CCM2: variants seen among roughly 807,000 people sequenced by gnomAD.
The protein encoded by CCM2 is cerebral cavernous malformations 2 protein.
Under a neutral mutation model 44.9 loss-of-function variants are expected in CCM2, and 25 were observed. The ratio of observed to expected loss-of-function variants is 0.56; its 90% confidence interval spans 0.41 to 0.78. The LOEUF (loss-of-function observed/expected upper bound fraction) is 0.78, where lower values mean the gene tolerates loss of function less well. CCM2 is among the 30% of genes least tolerant of loss of function. CCM2 has a pLI of 0.00. For missense variants in CCM2, 481 were observed against 580.6 expected (o/e 0.83, Z 1.76); for synonymous variants, 219 against 241.1 (o/e 0.91, Z 0.85).
chr7:45,061,566 C>G (rs1230926192), intron 2 of CCM2, among the ~76,000 whole-genome samples: 1 of 150,992 alleles, frequency 6.6e-6, no homozygotes, highest in African/African-American at 2.4e-5. Context: ...CTCCTGGGCT[C>G]AAATGATCCT....
At chr7:45,058,774 A>G (rs1798385928) in intron 2 of CCM2, among the ~76,000 whole-genome samples, 2 of 151,982 alleles carry the variant, frequency 1.3e-5, no homozygotes, top group Non-Finnish European at 2.9e-5. Flanking sequence ...GTGATGGATT[A>G]CAACGATATA....
At chr7:45,012,130 C>CTTT (rs60568953) in intron 1 of CCM2, among the ~76,000 whole-genome samples, 2 of 94,088 alleles carry the variant, frequency 2.1e-5, no homozygotes, top group African/African-American at 3.8e-5. Context: ...ATCATAATAT[C>CTTT]TTTTTTTTTT....
At chr7:45,073,267 G>A in intron 7 of CCM2, 193 bp from the exon 8 acceptor site, 1 of 627,458 alleles carries the variant, frequency 1.6e-6, no homozygotes, top group Non-Finnish European at 2.9e-6. Flanking sequence ...ATGCCCCCGG[G>A]GAGCCCCAGG....
intron 1 of CCM2, among the ~76,000 whole-genome samples, chr7:45,028,381 G>A (rs1190750541): frequency 6.6e-6 from 1 of 152,152 alleles, no homozygotes; most frequent in African/African-American, 2.4e-5. Flanking sequence ...CTGTCAGCCG[G>A]GTACAGTGGC....
intron 1 of CCM2, among the ~76,000 whole-genome samples, chr7:45,001,692 A>G (rs1795639137): frequency 1.3e-5 from 2 of 151,480 alleles, no homozygotes; most frequent in South Asian, 4.2e-4. Flanking sequence ...GCAAGGATGG[A>G]ATTGAGTGAT....
intron 1 of CCM2, among the ~76,000 whole-genome samples, chr7:45,024,995 C>T (rs1264074656): frequency 1.3e-5 from 2 of 152,160 alleles, no homozygotes; most frequent in African/African-American, 4.8e-5. Flanking sequence ...AACTGTTAGA[C>T]TCGATGGACC....
At chr7:45,001,805 G>GA (rs971914523) in intron 1 of CCM2, among the ~76,000 whole-genome samples, 38 of 152,136 alleles carry the variant, frequency 2.5e-4, no homozygotes, top group African/African-American at 8.2e-4. Flanking sequence ...GGGTACAAGT[G>GA]AAAAAACAGT....
intron 2 of CCM2, among the ~76,000 whole-genome samples, chr7:45,047,779 A>G (rs1361153966): frequency 6.6e-6 from 1 of 152,182 alleles, no homozygotes; most frequent in Non-Finnish European, 1.5e-5. Flanking sequence ...CTGTGTTTAC[A>G]TCCATGTCCT....
At chr7:45,001,432 T>A (rs1227818438) in intron 1 of CCM2, among the ~76,000 whole-genome samples, 1 of 152,242 alleles carries the variant, frequency 6.6e-6, no homozygotes, top group Non-Finnish European at 1.5e-5. Flanking sequence ...GGTGTTAGAT[T>A]AGAGATGCGT....
In CCM2 at chr7:45,007,831, G is replaced by A. The variant is rs1325434231; in HGVS notation, c.30+7468G>A. On this transcript the variant is annotated intron_variant, in intron 1 of 9. Coordinates refer to ENST00000258781, the MANE Select transcript of CCM2 (RefSeq NM_031443.4). ...AGGGAAACCTAGTTGAGGAGTGGGA[G>A]ATAACCATTTCACATGTTGTTTTTG... is the stretch of plus-strand genomic sequence containing the variant. Among the ~76,000 whole-genome samples, 3 of 152,140 alleles carry A rather than the reference G, an allele frequency of 2.0e-5. No homozygotes were observed. The East Asian group carries it at 5.8e-4, about 29-fold the overall frequency.
intron 1 of CCM2, among the ~76,000 whole-genome samples, chr7:45,026,138 C>T (rs894722526): frequency 3.9e-5 from 6 of 152,228 alleles, no homozygotes; most frequent in African/African-American, 1.4e-4. Context: ...TTCTGTATCT[C>T]CCTCCTGGTT....
intron 2 of CCM2, among the ~76,000 whole-genome samples, chr7:45,055,096 A>G (rs1016102125): frequency 6.6e-6 from 1 of 152,206 alleles, no homozygotes; most frequent in Non-Finnish European, 1.5e-5. Context: ...GAGTTTTTGA[A>G]GCATCATGGC....
rs1583968554 is a variant in CCM2 at position 45,063,961 on chromosome 7, C to T, written c.248C>T (p.Ser83Phe). The change falls in exon 3 of 10, where the codon TCC becomes TTC. Residue 83 changes from serine to phenylalanine, a missense_variant. Physicochemically the swap from Ser to Phe is radical, Grantham distance 155. Transcript: ENST00000258781. ...TCCATACCAGGATACCTGAATCCCT[C>T]CAGTAGGACTGAAATCCTGCATTTC... The part of the protein sequence containing the change: ...LTSIPGYLNP[S>F]SRTEILHFID... The T allele has an allele frequency of 6.2e-7, 1 of 1,613,242 alleles. No individual in the cohort carries two copies. Among genetic ancestry groups the T allele is most frequent in the Non-Finnish European group, 8.5e-7 (1 of 1,179,246 alleles).
chr7:45,050,722 C>T (rs746219067), intron 2 of CCM2, among the ~76,000 whole-genome samples: 62 of 152,170 alleles, frequency 4.1e-4, no homozygotes, highest in Non-Finnish European at 3.1e-4. Context: ...TATATCTTTG[C>T]AGTAGCTCTC....
chr7:45,025,736 A>G (rs561757589), intron 1 of CCM2, among the ~76,000 whole-genome samples: 9 of 152,154 alleles, frequency 5.9e-5, no homozygotes, highest in Middle Eastern at 3.4e-3. Flanking sequence ...GTTTCTCCAT[A>G]TTGGTCAGTC....
At chr7:45,019,819 C>A (rs954108319) in intron 1 of CCM2, among the ~76,000 whole-genome samples, 1 of 152,154 alleles carries the variant, frequency 6.6e-6, no homozygotes, top group African/African-American at 2.4e-5. Context: ...AAGTGATCTT[C>A]CTGCCTTGGC....
intron 1 of CCM2, among the ~76,000 whole-genome samples, chr7:45,001,003 A>G (rs758847491): frequency 1.3e-5 from 2 of 152,262 alleles, no homozygotes; most frequent in African/African-American, 4.8e-5. Flanking sequence ...AACTACCATT[A>G]AAGTGGAAAA....
intron 1 of CCM2, among the ~76,000 whole-genome samples, chr7:45,019,499 G>A (rs1317079107): frequency 6.6e-6 from 1 of 152,106 alleles, no homozygotes; most frequent in Non-Finnish European, 1.5e-5. Flanking sequence ...ATAGTCTCAA[G>A]TGTTTAAGGT....
intron 2 of CCM2, among the ~76,000 whole-genome samples, chr7:45,039,261 AG>A (rs1797367026): frequency 6.6e-6 from 1 of 152,248 alleles, no homozygotes; most frequent in South Asian, 2.1e-4. Flanking sequence ...ACAGAAGATA[AG>A]GAAGTCAAGT....
Sources: gnomAD v4.1 joint callset for allele counts (sites outside exome capture counted in the v4.1 genomes callset) on GRCh38, gnomAD v4.1.1 for gene constraint, MANE v1.5 for transcripts, NCBI Gene and HGNC (gene_info 2026-07-23, HGNC 2026-07-21) for gene names.